Variants in PARD3 observed in about 807,000 individuals in gnomAD.
PARD3 encodes the protein partitioning defective 3 homolog.
A neutral mutation model predicts 155.4 loss-of-function variants in PARD3; 75 were observed. The observed-to-expected ratio is 0.48, with a 90% confidence interval of 0.40 to 0.58. The LOEUF (loss-of-function observed/expected upper bound fraction) is 0.58. Ranked by LOEUF, PARD3 falls within the 20% of genes least tolerant of loss-of-function variation. PARD3 has a pLI of 0.00. For missense variants in PARD3, 1,642 were observed against 1,721.7 expected, an observed-to-expected ratio of 0.95 and a Z score of 0.82; for synonymous variants, 576 against 610.5, an observed-to-expected ratio of 0.94 and a Z score of 0.83.
At chr10:34,267,661 T>C (rs1018081047) in intron 22 of PARD3, among the ~76,000 whole-genome samples, 2 of 152,154 alleles carry the variant, frequency 1.3e-5, no homozygotes, top group East Asian at 1.9e-4. Flanking sequence ...CAACTGGAAG[T>C]AGGTAAAATA....
chr10:34,137,303 C>T (rs915101019), intron 22 of PARD3, among the ~76,000 whole-genome samples: 10 of 152,068 alleles, frequency 6.6e-5, no homozygotes, highest in African/African-American at 2.2e-4. Flanking sequence ...GTACTGAAGT[C>T]GCAAGGAGCC....
intron 2 of PARD3, among the ~76,000 whole-genome samples, chr10:34,571,225 G>C (rs2086370950): frequency 1.3e-5 from 2 of 152,166 alleles, no homozygotes; most frequent in South Asian, 4.1e-4. Flanking sequence ...GAGGCTGGAG[G>C]ATTACTTGAG....
At chr10:34,473,393 A>C (rs1718883809) in intron 3 of PARD3, among the ~76,000 whole-genome samples, 1 of 152,060 alleles carries the variant, frequency 6.6e-6, no homozygotes, top group South Asian at 2.1e-4. Flanking sequence ...ACCCAATAAA[A>C]CAAGTCAACG....
chr10:34,332,062 C>A (rs980462120), intron 18 of PARD3, among the ~76,000 whole-genome samples: 1 of 152,040 alleles, frequency 6.6e-6, no homozygotes, highest in Admixed American at 6.6e-5. Flanking sequence ...TATCTCTAGG[C>A]CTGGGAACAA....
Position 34,470,218 on chromosome 10 carries a change from C to T in PARD3, c.449G>A (p.Gly150Asp), listed in dbSNP as rs997522320. Residue 150 changes from glycine (G) to aspartate (D), a missense_variant, in exon 4 of 25, where the codon GGC (glycine) becomes GAC (aspartate). Transcript: ENST00000374788. ...ACTATCACTGACAGAAGTGGAGAGGCCAATTAGAGCTGGGTCACTACTGCG... is the reference window on the plus strand; with the variant it reads ...ACTATCACTGACAGAAGTGGAGAGGTCAATTAGAGCTGGGTCACTACTGCG... ...VRRSSDPALI[G>D]LSTSVSDSNF... 27 of 1,612,166 alleles carry T rather than the reference C, an allele frequency of 1.7e-5. No individual in the cohort carries two copies. Among genetic ancestry groups the T allele is most frequent in the Non-Finnish European group, 2.3e-5 (27 of 1,179,164 alleles).
At chr10:34,275,018 T>C (rs1272259382) in intron 21 of PARD3, among the ~76,000 whole-genome samples, 1 of 152,110 alleles carries the variant, frequency 6.6e-6, no homozygotes, top group Non-Finnish European at 1.5e-5. Context: ...AACAAGTCAA[T>C]CTCTCAAAAG....
chr10:34,557,929 C>A (rs1360470616), intron 2 of PARD3, among the ~76,000 whole-genome samples: 1 of 149,116 alleles, frequency 6.7e-6, no homozygotes, highest in Admixed American at 6.7e-5. Context: ...CAGTGTGAGA[C>A]CCTGACTCAA....
chr10:34,289,518 A>G (rs1167674652), intron 20 of PARD3, among the ~76,000 whole-genome samples: 2 of 150,102 alleles, frequency 1.3e-5, no homozygotes, highest in Non-Finnish European at 3.0e-5. Context: ...TAATAATAAT[A>G]AGTAGAGGGA....
intron 1 of PARD3, among the ~76,000 whole-genome samples, chr10:34,711,999 G>A (rs1189757883): frequency 1.3e-5 from 2 of 152,130 alleles, no homozygotes; most frequent in East Asian, 1.9e-4. Context: ...GAATACCTTC[G>A]TCCTCACCTG....
chr10:34,657,410 C>T (rs537004085), intron 2 of PARD3, among the ~76,000 whole-genome samples: 5 of 152,192 alleles, frequency 3.3e-5, no homozygotes, highest in Non-Finnish European at 5.9e-5. Flanking sequence ...AAGTCTACTT[C>T]GATCTATTTG....
intron 3 of PARD3, among the ~76,000 whole-genome samples, chr10:34,509,258 T>C (rs1394303271): frequency 6.6e-6 from 1 of 152,140 alleles, no homozygotes. Context: ...TGCAAAGACC[T>C]TCCGAGAGAT....
intron 2 of PARD3, among the ~76,000 whole-genome samples, chr10:34,594,369 G>A (rs1178802104): frequency 6.6e-6 from 1 of 152,100 alleles, no homozygotes; most frequent in Non-Finnish European, 1.5e-5. Flanking sequence ...GTGTGTACAG[G>A]CACTGCTGTT....
At chr10:34,684,778 T>TACACATACAC (rs1339416591) in intron 2 of PARD3, among the ~76,000 whole-genome samples, 7 of 119,032 alleles carry the variant, frequency 5.9e-5, no homozygotes, top group Admixed American at 1.9e-4. Flanking sequence ...TGATGATACA[T>TACACATACAC]ACACACACAC....
intron 2 of PARD3, among the ~76,000 whole-genome samples, chr10:34,642,147 C>G (rs994312315): frequency 1.5e-4 from 23 of 151,994 alleles, no homozygotes; most frequent in Admixed American, 1.5e-3. Context: ...GGGATCCCCG[C>G]CCACCCAAGG....
intron 22 of PARD3, among the ~76,000 whole-genome samples, chr10:34,197,953 G>C (rs1951026560): frequency 6.6e-6 from 1 of 152,098 alleles, no homozygotes; most frequent in Admixed American, 6.6e-5. Flanking sequence ...TGGTCTTGAG[G>C]TCTTGATCTC....
At chr10:34,683,569 A>C (rs780178570) in intron 2 of PARD3, among the ~76,000 whole-genome samples, 1 of 150,250 alleles carries the variant, frequency 6.7e-6, no homozygotes, top group Non-Finnish European at 1.5e-5. Context: ...GCAACAGAAA[A>C]GCACAGCGCG....
intron 11 of PARD3, among the ~76,000 whole-genome samples, 162 bp from the exon 12 acceptor site, chr10:34,372,698 A>C (rs1481924909): frequency 6.6e-6 from 1 of 152,016 alleles, no homozygotes; most frequent in Non-Finnish European, 1.5e-5. Context: ...CTGTCTTCCA[A>C]AATTTTGCTG....
chr10:34,472,500 T>TG (rs1295381425), intron 3 of PARD3, among the ~76,000 whole-genome samples: 5 of 152,052 alleles, frequency 3.3e-5, no homozygotes, highest in African/African-American at 1.2e-4. Context: ...AGCAACAAAA[T>TG]GGGGAGAGGT....
chr10:34,637,176 G>C (rs1314160283), intron 2 of PARD3, among the ~76,000 whole-genome samples: 1 of 152,164 alleles, frequency 6.6e-6, no homozygotes, highest in East Asian at 1.9e-4. Context: ...GACTCCATCA[G>C]GTGCTATGAG....
Sources: allele counts gnomAD v4.1 joint callset (sites outside exome capture counted in the v4.1 genomes callset), GRCh38; gene constraint gnomAD v4.1.1; transcripts MANE v1.5; gene names NCBI Gene and HGNC (gene_info 2026-07-23, HGNC 2026-07-21).